Variants in MAP3K1 observed in about 807,000 individuals in gnomAD.
The protein encoded by MAP3K1 is MAP/ERK kinase kinase 1.
A neutral mutation model predicts 144.2 loss-of-function variants in MAP3K1; 36 were observed. The ratio of observed to expected loss-of-function variants is 0.25; its 90% CI spans 0.19 to 0.33. The LOEUF is 0.33. MAP3K1 is among the 10% of genes least tolerant of loss of function. The pLI, the probability that MAP3K1 is intolerant of heterozygous loss-of-function variation, is 1.00. For missense variants in MAP3K1, 1,650 were observed against 1,881.9 expected (o/e 0.88, Z 2.28); for synonymous variants, 718 against 688.7 (o/e 1.04, Z -0.67).
At chr5:56,859,674 A>T in intron 2 of MAP3K1, 41 bp from the exon 3 acceptor site, 1 of 1,439,978 alleles carries the variant, frequency 6.9e-7, no homozygotes, top group Non-Finnish European at 9.7e-7. Flanking sequence ...CTTACCTTTT[A>T]TATTTTTAAG....
rs530847552 is a variant in MAP3K1 at position 56,880,980 on chromosome 5, A to G, written c.2180-103A>G. The G allele has an allele frequency of 1.4e-4, 151 of 1,100,352 alleles. No individual in the cohort carries two copies. In the Middle Eastern group the frequency reaches 2.9e-3, roughly 21 times the overall value. 68.2% of individuals were successfully genotyped at this position (1,100,352 alleles called of 1,614,324 possible). ...CTCTGAGAGAGAAATTCTTTAAAAT[A>G]GTTCAGAATATTTTTGTTGGCCTTA... On this transcript the variant is annotated intron_variant, in intron 12 of 19. Transcript: ENST00000399503.
rs1747171286 is a variant in MAP3K1 at position 56,851,499 on chromosome 5, C to T, written c.483-5101C>T. 2.0e-5 allele frequency among the ~76,000 whole-genome samples: 3 copies of T among 152,264 alleles called. No individual in the cohort carries two copies. The South Asian group carries it at 6.2e-4, about 32-fold the overall frequency. Reference sequence around the variant, plus strand: ...TCATCTAACAGCTTATCAGGGGACCCGTGTACAACTTGTTAGGTTGACTTT... The same window carrying T: ...TCATCTAACAGCTTATCAGGGGACCTGTGTACAACTTGTTAGGTTGACTTT... On this transcript the variant is annotated intron_variant, in intron 1 of 19. Transcript: ENST00000399503.
In MAP3K1 at chr5:56,815,563, C is replaced by A; in HGVS notation, c.-11C>A. 1 of 1,300,566 alleles carries A rather than the reference C, an allele frequency of 7.7e-7. No homozygotes were observed. Among genetic ancestry groups the A allele is most frequent in the Non-Finnish European group, 9.7e-7 (1 of 1,027,106 alleles). 80.6% of individuals were successfully genotyped at this position (1,300,566 alleles called of 1,614,324 possible). ...TCGCAGGGGCCGAGCGAATGTAGCC[C>A]GCGAGAGAAAATGGCGGCGGCGGCG... is the stretch of plus-strand genomic sequence containing the variant. On this transcript the variant is annotated 5_prime_UTR_variant, in exon 1 of 20. Coordinates refer to ENST00000399503, the MANE Select transcript of MAP3K1 (RefSeq NM_005921.2).
intron 1 of MAP3K1, among the ~76,000 whole-genome samples, chr5:56,851,097 C>A (rs1747155419): frequency 1.5e-5 from 2 of 131,352 alleles, no homozygotes; most frequent in South Asian, 4.7e-4. Flanking sequence ...CAGGCATGCG[C>A]CACTATGCCC....
intron 1 of MAP3K1, among the ~76,000 whole-genome samples, chr5:56,833,895 C>CGAAT (rs1244984161): frequency 6.6e-6 from 1 of 152,014 alleles, no homozygotes; most frequent in Non-Finnish European, 1.5e-5. Context: ...AATAAGTTAA[C>CGAAT]GAATGCCTGC....
At chr5:56,880,856 A>G in intron 12 of MAP3K1, 54 bp downstream of exon 12, 7 of 1,418,122 alleles carry the variant, frequency 4.9e-6, no homozygotes, top group Non-Finnish European at 7.0e-6. Context: ...GTTCCTGAGC[A>G]GCCTTGTCTA....
In MAP3K1 at chr5:56,875,032, G is replaced by A; in HGVS notation, c.1687G>A (p.Val563Met). Reference sequence around the variant, plus strand: ...AATTCATCGTGTGTGTTTGATACAGGTGTTTGGAATGGAACTCGTTGGCTG... The same window carrying A: ...AATTCATCGTGTGTGTTTGATACAGATGTTTGGAATGGAACTCGTTGGCTG... Reference protein sequence around the residue: ...YKDLAEPWIQVFGMELVGCLF... With the variant: ...YKDLAEPWIQMFGMELVGCLF... The change falls in exon 10 of 20, where the codon GTG becomes ATG. Residue 563 changes from valine (V) to methionine (M), a missense_variant and splice_region_variant. By Grantham distance (21) the Val-to-Met change is conservative. Coordinates refer to ENST00000399503, the MANE Select transcript of MAP3K1 (RefSeq NM_005921.2). 1 of 1,614,156 alleles carries A rather than the reference G, an allele frequency of 6.2e-7. No homozygotes were observed. Among genetic ancestry groups the A allele is most frequent in the Non-Finnish European group, 8.5e-7 (1 of 1,179,990 alleles).
intron 1 of MAP3K1, among the ~76,000 whole-genome samples, chr5:56,844,427 C>T (rs1250137260): frequency 6.6e-6 from 1 of 152,060 alleles, no homozygotes; most frequent in Non-Finnish European, 1.5e-5. Flanking sequence ...GATCCGCCCG[C>T]CTTGGCCTCC....
At chr5:56,846,582 T>G (rs1457503865) in intron 1 of MAP3K1, among the ~76,000 whole-genome samples, 1 of 152,242 alleles carries the variant, frequency 6.6e-6, no homozygotes, top group African/African-American at 2.4e-5. Flanking sequence ...TCTTTTAGAT[T>G]TATTTAAAAT....
intron 1 of MAP3K1, among the ~76,000 whole-genome samples, chr5:56,819,871 A>G (rs777049061): frequency 8.5e-5 from 13 of 152,350 alleles, no homozygotes; most frequent in South Asian, 2.1e-4. Flanking sequence ...ATGGTAGACT[A>G]TTAATGTGAG....
In MAP3K1 at chr5:56,880,712, C is replaced by T. The variant is rs753037944; in HGVS notation, c.2089C>T (p.Arg697Cys). Residue 697 changes from arginine (R) to cysteine (C), a missense_variant and splice_region_variant, in exon 12 of 20, where the codon CGC becomes TGC. Around this residue, in one of 6 missense-constraint regions of MAP3K1, gnomAD observed 841 missense variants for 886.5 expected, o/e 0.95. Transcript: ENST00000399503. ...ILVKCADANS[R>C]TSQLSISTLL... ...ATGTTGCTTTTCCTTTGTTTTTAGC[C>T]GCACAAGTCAGCTGTCCATATCAAC... is the stretch of plus-strand genomic sequence containing the variant. 5 of 1,612,078 alleles carry T rather than the reference C, an allele frequency of 3.1e-6. No individual in the cohort carries two copies. The East Asian group carries it at 6.7e-5, about 22-fold the overall frequency.
At chr5:56,820,868 G>C in intron 1 of MAP3K1, 2 of 835,500 alleles carry the variant, frequency 2.4e-6, no homozygotes, top group Non-Finnish European at 2.9e-6. Context: ...TGCTATAAGA[G>C]AGATGGGGAT....
At chr5:56,874,111 C>G (rs1419770747) in intron 9 of MAP3K1, among the ~76,000 whole-genome samples, 1 of 152,168 alleles carries the variant, frequency 6.6e-6, no homozygotes, top group African/African-American at 2.4e-5. Context: ...TAGTGGTACA[C>G]TACTTAACAG....
At chr5:56,858,595 A>G (rs1291698173) in intron 2 of MAP3K1, among the ~76,000 whole-genome samples, 4 of 152,200 alleles carry the variant, frequency 2.6e-5, no homozygotes, top group Admixed American at 2.6e-4. Context: ...GTGTCAAATC[A>G]TTCTTGAAAC....
intron 1 of MAP3K1, among the ~76,000 whole-genome samples, chr5:56,837,166 G>C (rs1363947314): frequency 6.6e-6 from 1 of 151,478 alleles, no homozygotes; most frequent in African/African-American, 2.4e-5. Flanking sequence ...CTCTTGGGTT[G>C]CTTCCCTAAT....
At chr5:56,872,070 G>A (rs2111911786) in intron 7 of MAP3K1, 39 bp downstream of exon 7, 8 of 1,613,266 alleles carry the variant, frequency 5.0e-6, no homozygotes, top group Non-Finnish European at 6.8e-6. Context: ...ACTCAACACA[G>A]TTGCTCTCTG....
chr5:56,883,403 A>T, intron 14 of MAP3K1, 124 bp from the exon 15 acceptor site: 1 of 874,032 alleles, frequency 1.1e-6, no homozygotes, highest in Non-Finnish European at 1.9e-6. Flanking sequence ...AATACCTTCC[A>T]TTCAGAGGTC....
chr5:56,878,690 G>A (rs1178716850), intron 10 of MAP3K1, among the ~76,000 whole-genome samples: 1 of 152,000 alleles, frequency 6.6e-6, no homozygotes, highest in Non-Finnish European at 1.5e-5. Flanking sequence ...TCAGGTTGGC[G>A]CCTGTTCTCA....
chr5:56,893,564 T>C lies in MAP3K1; in HGVS notation c.4423T>C (p.Ser1475Pro). 1.2e-6 allele frequency: 2 copies of C among 1,613,982 alleles called. No homozygotes were observed. The highest frequency in any genetic ancestry group is 1.7e-6 in the Non-Finnish European group (2 of 1,179,884). Residue 1475 changes from serine (S) to proline (P), a missense_variant, in exon 20 of 20, where the codon TCA becomes CCA. Physicochemically the swap from Ser to Pro is moderately conservative, Grantham distance 74 (BLOSUM62 -1). This residue lies in a region of MAP3K1 where 165 missense variants were observed against 322.9 expected (regional missense o/e 0.51). Transcript: ENST00000399503. ...ASATTAPSIP[S>P]HLSPGLRDVA... ...TGCAACTACTGCTCCATCGATCCCT[T>C]CACATTTGTCTCCTGGTTTACGAGA...
Sources: allele counts gnomAD v4.1 joint callset (sites outside exome capture counted in the v4.1 genomes callset), GRCh38; gene constraint gnomAD v4.1.1; regional missense constraint gnomAD v4.1.1; transcripts MANE v1.5; gene names NCBI Gene and HGNC (gene_info 2026-07-23, HGNC 2026-07-21).